TMEM181: variants seen among roughly 807,000 people sequenced by gnomAD.
The protein encoded by TMEM181 is transmembrane protein 181.
Under a neutral mutation model 71.9 loss-of-function variants are expected in TMEM181, and 39 were observed. That is an observed-to-expected ratio of 0.54 (90% CI 0.42 to 0.71). The LOEUF is 0.71. Among genes scored for constraint, TMEM181 ranks in the 30% least tolerant of loss-of-function variants. The pLI, the probability that TMEM181 is intolerant of heterozygous loss-of-function variation, is 0.00. For synonymous variants in TMEM181, 245 were observed against 228.8 expected (o/e 1.07, Z -0.64); for missense variants, 595 against 583.0 (o/e 1.02, Z -0.21).
At chr6:158,559,328 C>G (rs147605473), upstream of TMEM181, among the ~76,000 whole-genome samples, 337 of 152,280 alleles carry the variant, frequency 2.2e-3, 1 homozygote, top group African/African-American at 7.2e-3. Context: ...CACTTTTCTG[C>G]CAATAGTAAG....
At chr6:158,543,644 G>A (rs897660392) in intron 1 of TMEM181, among the ~76,000 whole-genome samples, 2 of 152,164 alleles carry the variant, frequency 1.3e-5, no homozygotes, top group Non-Finnish European at 2.9e-5. Flanking sequence ...TCTTCACATC[G>A]TCTTCCTTCT....
chr6:158,590,301 CCT>C (rs1784034444), intron 6 of TMEM181, among the ~76,000 whole-genome samples: 1 of 151,964 alleles, frequency 6.6e-6, no homozygotes, highest in Non-Finnish European at 1.5e-5. Flanking sequence ...TTTTGTTGAG[CCT>C]CAGTTTTCTT....
intron 2 of TMEM181, among the ~76,000 whole-genome samples, chr6:158,576,788 C>T (rs928556418): frequency 6.6e-6 from 1 of 152,040 alleles, no homozygotes; most frequent in Non-Finnish European, 1.5e-5. Flanking sequence ...GGCGGCCGGG[C>T]GTGGTGGCTC....
chr6:158,605,137 T>TGTGTGG, intron 6 of TMEM181, 130 bp from the exon 7 acceptor site: 1 of 372,588 alleles, frequency 2.7e-6, no homozygotes, highest in South Asian at 2.8e-5. Context: ...AAAAAGTGTG[T>TGTGTGG]GTGTGTGTGT....
chr6:158,613,954 A>G (rs1220301355), intron 10 of TMEM181, among the ~76,000 whole-genome samples: 1 of 152,218 alleles, frequency 6.6e-6, no homozygotes, highest in Non-Finnish European at 1.5e-5. Context: ...CAATTGACAA[A>G]TAAATTTGGT....
Position 158,560,248 on chromosome 6 carries a change from A to AGCGG in TMEM181, c.8+23_8+26dup. 2.2e-5 allele frequency: 22 copies of AGCGG among 984,602 alleles called. No individual in the cohort carries two copies. The highest frequency in any genetic ancestry group is 2.5e-5 in the Non-Finnish European group (21 of 829,740). 61.0% of individuals were successfully genotyped at this position (984,602 alleles called of 1,614,324 possible). A position where few individuals can be genotyped will look rare whatever the true frequency, so the allele number is the denominator to read the frequency against. ...AGATGGAGCCGTGAGTCCCCGGCCG[A>AGCGG]GCGGGCGGGCTGGCTGGCTCTCCGG... On this transcript the variant is annotated intron_variant, in intron 1 of 16. Transcript: ENST00000684151.
chr6:158,574,955 G>A (rs1479076791), intron 2 of TMEM181, among the ~76,000 whole-genome samples: 1 of 152,164 alleles, frequency 6.6e-6, no homozygotes, highest in Non-Finnish European at 1.5e-5. Flanking sequence ...GTCCAGGTCC[G>A]AGTCTGAAAG....
intron 8 of TMEM181, among the ~76,000 whole-genome samples, chr6:158,608,079 A>G (rs1785054350): frequency 1.3e-5 from 2 of 152,240 alleles, no homozygotes; most frequent in African/African-American, 4.8e-5. Context: ...CAAAATAGCC[A>G]TTGGTTCACT....
intron 1 of TMEM181, among the ~76,000 whole-genome samples, chr6:158,538,117 G>T (rs777201269): frequency 1.3e-5 from 2 of 148,286 alleles, no homozygotes; most frequent in African/African-American, 2.5e-5. Context: ...TTTTCTGCTA[G>T]TCCCCCGTCC....
intron 8 of TMEM181, among the ~76,000 whole-genome samples, 193 bp from the exon 9 acceptor site, chr6:158,608,140 C>G (rs909470682): frequency 1.3e-5 from 2 of 152,188 alleles, no homozygotes; most frequent in Admixed American, 1.3e-4. Context: ...GAGCTCAGAC[C>G]CTGCAGTGGG....
chr6:158,576,829 G>A (rs576927035), intron 2 of TMEM181, among the ~76,000 whole-genome samples: 5 of 152,008 alleles, frequency 3.3e-5, no homozygotes, highest in Admixed American at 6.6e-5. Context: ...TTGGGAGGCC[G>A]AGGTGGGTGG....
At chr6:158,544,033 C>T (rs377541176) in intron 1 of TMEM181, among the ~76,000 whole-genome samples, 2 of 152,256 alleles carry the variant, frequency 1.3e-5, no homozygotes, top group East Asian at 1.9e-4. Context: ...AGGATGATCT[C>T]AGATCCCTCC....
intron 1 of TMEM181, among the ~76,000 whole-genome samples, chr6:158,561,629 G>C (rs978062941): frequency 3.3e-5 from 5 of 152,178 alleles, no homozygotes; most frequent in Non-Finnish European, 7.4e-5. Context: ...TGGGTCTTCT[G>C]CCAGGGTCCT....
At chr6:158,625,681 A>G (rs181160047) in intron 12 of TMEM181, 22 bp from the exon 13 acceptor site, 76 of 1,592,352 alleles carry the variant, frequency 4.8e-5, no homozygotes, top group Non-Finnish European at 6.4e-5. Flanking sequence ...CAGAGTTGTT[A>G]ATGAGTTTCT....
rs1786843834 is a variant in TMEM181, at chr6:158,634,666, G to C, written c.*2778G>C. Reference sequence around the variant, plus strand: ...AAGCCCCATTTGAAAGGCTAGAGAAGGGGATATATATACTATGTTCAAGGT... The same window carrying C: ...AAGCCCCATTTGAAAGGCTAGAGAACGGGATATATATACTATGTTCAAGGT... On this transcript the variant is annotated 3_prime_UTR_variant, in exon 17 of 17. Coordinates refer to ENST00000684151, the MANE Select transcript of TMEM181 (RefSeq NM_001376852.1). 6.6e-6 allele frequency: 1 copy of C among 152,204 alleles called. No homozygotes were observed. The highest frequency in any genetic ancestry group is 2.4e-5 in the African/African-American group (1 of 41,446). The allele number at this position is 152,204 out of a possible 1,614,324, so 9.4% of individuals were successfully genotyped here.
intron 6 of TMEM181, 51 bp downstream of exon 6, chr6:158,589,833 A>AC (rs773905210): frequency 1.5e-5 from 19 of 1,285,452 alleles, no homozygotes; most frequent in Non-Finnish European, 1.9e-5. Context: ...TCTAGTTCCC[A>AC]TTCTTTGTTC....
At chr6:158,570,017 A>G (rs996557025) in intron 1 of TMEM181, among the ~76,000 whole-genome samples, 1 of 152,150 alleles carries the variant, frequency 6.6e-6, no homozygotes, top group Non-Finnish European at 1.5e-5. Context: ...AAATATAGTT[A>G]TTCTGGTTTT....
rs1032600995 is a variant in TMEM181 at position 158,571,299 on chromosome 6, G to A, written c.9-2121G>A. On this transcript the variant is annotated intron_variant, in intron 1 of 16. Coordinates refer to ENST00000684151, the MANE Select transcript of TMEM181 (RefSeq NM_001376852.1). ...TTTTTAGTAAAGACGGGGTTTCACCGTGTTAGCAGGATGGTCTCGATCTCC... is the reference window on the plus strand; with the variant it reads ...TTTTTAGTAAAGACGGGGTTTCACCATGTTAGCAGGATGGTCTCGATCTCC... Among the ~76,000 whole-genome samples, 74 of 149,500 alleles carry A rather than the reference G, an allele frequency of 4.9e-4. No homozygotes were observed. In the Middle Eastern group the frequency reaches 0.01, roughly 21 times the overall value.
chr6:158,581,753 C>CAAAAAAAA, intron 3 of TMEM181, among the ~76,000 whole-genome samples: 1 of 62,170 alleles, frequency 1.6e-5, no homozygotes, highest in Non-Finnish European at 2.8e-5. Flanking sequence ...GACTCTGTCT[C>CAAAAAAAA]AAAAAAAAAA....
Sources: gnomAD v4.1 joint callset for allele counts (sites outside exome capture counted in the v4.1 genomes callset) on GRCh38, gnomAD v4.1.1 for gene constraint, MANE v1.5 for transcripts, NCBI Gene and HGNC (gene_info 2026-07-23, HGNC 2026-07-21) for gene names.